The following PRKN variants were observed in gnomAD, a reference collection of about 807,000 sequenced individuals.
PRKN encodes the protein parkin RBR E3 ubiquitin protein ligase, also known as E3 ubiquitin-protein ligase parkin.
PRKN carries 56 observed loss-of-function variants against 59.5 expected under a neutral mutation model. The observed-to-expected ratio is 0.94, with a 90% CI of 0.76 to 1.18. PRKN has a LOEUF of 1.18. PRKN is among the 50% of genes most tolerant of loss of function. The pLI is 0.00. For missense variants in PRKN, 657 were observed against 596.4 expected, an observed-to-expected ratio of 1.10 and a Z score of -1.06; for synonymous variants, 250 against 222.1, an observed-to-expected ratio of 1.13 and a Z score of -1.12.
At position 162,430,744 on chromosome 6, in the gene PRKN, T is replaced by C. The variant is rs1427488647; in HGVS notation, c.171+12566A>G. ...AACTCCAGCATAGATCAGGCCACTT[T>C]GAGAATCTAGTACAGTCCTCTCTCT... is the stretch of plus-strand genomic sequence containing the variant. On this transcript the variant is annotated intron_variant, in intron 2 of 11. Coordinates refer to ENST00000366898, the MANE Select transcript of PRKN (RefSeq NM_004562.3). 2.6e-5 allele frequency among the ~76,000 whole-genome samples: 4 copies of C among 152,274 alleles called. No individual in the cohort carries two copies. The East Asian group carries it at 7.7e-4, about 29-fold the overall frequency.
chr6:162,177,823 G>C (rs1254456403), intron 4 of PRKN, among the ~76,000 whole-genome samples: 1 of 152,120 alleles, frequency 6.6e-6, no homozygotes, highest in African/African-American at 2.4e-5. Context: ...AATAAATAAA[G>C]AGCCATAGAT....
intron 2 of PRKN, among the ~76,000 whole-genome samples, chr6:162,413,213 T>G (rs1788435315): frequency 6.6e-6 from 1 of 152,142 alleles, no homozygotes; most frequent in African/African-American, 2.4e-5. Flanking sequence ...TACAGTCTGT[T>G]TTTTTTATTG....
At chr6:162,538,763 A>C (rs59674301) in intron 1 of PRKN, among the ~76,000 whole-genome samples, 13,252 of 152,310 alleles carry the variant, frequency 0.087, 730 homozygotes, top group South Asian at 0.18. Flanking sequence ...GTCAGCAGAA[A>C]GGACCTTTAC....
chr6:162,710,374 A>AACACACAC (rs138911423), intron 1 of PRKN, among the ~76,000 whole-genome samples: 10,027 of 125,158 alleles, frequency 0.08, 486 homozygotes, highest in South Asian at 0.088. Flanking sequence ...ACCCCCTACA[A>AACACACAC]ACACACACAC....
At chr6:161,594,956 T>C (rs939136919) in intron 7 of PRKN, among the ~76,000 whole-genome samples, 2 of 152,202 alleles carry the variant, frequency 1.3e-5, no homozygotes, top group Admixed American at 1.3e-4. Context: ...ATACAAGTTC[T>C]TCAACTACAT....
rs1039217225 is a variant in PRKN, at chr6:162,515,993, C to T, written c.8-72520G>A. Reference sequence around the variant, plus strand: ...AGCTGTTTGGTACCACTTGTTCCTGCGGAAACTTAGCAGTGGAGGGTGTTT... The same window carrying T: ...AGCTGTTTGGTACCACTTGTTCCTGTGGAAACTTAGCAGTGGAGGGTGTTT... On this transcript the variant is annotated intron_variant, in intron 1 of 11. Transcript: ENST00000366898. Among the ~76,000 whole-genome samples the T allele has an allele frequency of 7.2e-5, 11 of 152,186 alleles. No individual in the cohort carries two copies. In the East Asian group the frequency reaches 1.9e-3, roughly 27 times the overall value.
At chr6:162,273,130 A>G (rs982489985) in intron 2 of PRKN, among the ~76,000 whole-genome samples, 4 of 152,130 alleles carry the variant, frequency 2.6e-5, no homozygotes, top group South Asian at 2.1e-4. Context: ...GGGACTTTCT[A>G]TGTCAAAAGC....
chr6:162,435,616 G>A (rs1032461004), intron 2 of PRKN, among the ~76,000 whole-genome samples: 2 of 152,284 alleles, frequency 1.3e-5, no homozygotes, highest in African/African-American at 4.8e-5. Context: ...CGGACACGTA[G>A]CAACACTTAC....
chr6:162,724,543 G>A (rs1270623169), intron 1 of PRKN, among the ~76,000 whole-genome samples: 1 of 152,146 alleles, frequency 6.6e-6, no homozygotes, highest in Non-Finnish European at 1.5e-5. Context: ...AAATAAAGTG[G>A]CAGAATATTA....
chr6:162,574,437 C>T, intron 1 of PRKN, among the ~76,000 whole-genome samples: 1 of 152,134 alleles, frequency 6.6e-6, no homozygotes, highest in East Asian at 1.9e-4. Context: ...TCATGATATT[C>T]TTAAGCCAAC....
In PRKN at chr6:161,582,422, T is replaced by TTA; in HGVS notation, c.872-13008_872-13007dup. Among the ~76,000 whole-genome samples the TTA allele has an allele frequency of 6.7e-6, 1 of 149,216 alleles. No homozygotes were observed. The highest frequency in any genetic ancestry group is 2.4e-5 in the African/African-American group (1 of 40,856). On this transcript the variant is annotated intron_variant, in intron 7 of 11. Coordinates refer to ENST00000366898, the MANE Select transcript of PRKN (RefSeq NM_004562.3). The surrounding 1 kb of genome is among the most constrained non-coding windows in gnomAD (Gnocchi z 4.4). ...AGACTGCATCTGCAGACTATTATTA[T>TTA]TATTATTATTATTATTATTTTTGAG...
At chr6:161,874,465 ATATAT>A (rs1446571793) in intron 6 of PRKN, among the ~76,000 whole-genome samples, 1 of 87,434 alleles carries the variant, frequency 1.1e-5, no homozygotes, top group East Asian at 3.0e-4. Flanking sequence ...TATATGTAAA[ATATAT>A]TATATGTAAA....
At position 162,317,900 on chromosome 6, in the gene PRKN, T is replaced by C. The variant is rs565758748; in HGVS notation, c.172-55135A>G. The stretch of plus-strand genomic sequence containing the variant: ...AGATACAGGTATTGGTTCTGAAGTT[T>C]TTTTAACATGGTAAAATATATATAT... On this transcript the variant is annotated intron_variant, in intron 2 of 11. Coordinates refer to ENST00000366898, the MANE Select transcript of PRKN (RefSeq NM_004562.3). Among the ~76,000 whole-genome samples the C allele has an allele frequency of 3.2e-4, 48 of 151,444 alleles. 1 individual carries two copies. Among genetic ancestry groups the C allele is most frequent in the African/African-American group, 1.1e-3 (46 of 40,992 alleles).
intron 2 of PRKN, among the ~76,000 whole-genome samples, chr6:162,334,870 A>T (rs1783761529): frequency 6.6e-6 from 1 of 152,196 alleles, no homozygotes; most frequent in Non-Finnish European, 1.5e-5. Flanking sequence ...TCCATCTTTC[A>T]ATGACTTACT....
At chr6:162,306,985 CATTAAATTCAAG>C (rs1782258851) in intron 2 of PRKN, among the ~76,000 whole-genome samples, 1 of 152,148 alleles carries the variant, frequency 6.6e-6, no homozygotes, top group South Asian at 2.1e-4. Flanking sequence ...CCAATGTTGG[CATTAAATTCAAG>C]ATTTGTATTT....
intron 9 of PRKN, among the ~76,000 whole-genome samples, chr6:161,439,957 TG>T (rs1215624534): frequency 6.4e-5 from 7 of 109,418 alleles, no homozygotes; most frequent in Admixed American, 3.3e-4. Context: ...TTTTGTTTTT[TG>T]TTTTTTTTTT....
At chr6:162,276,841 A>G (rs1381148259) in intron 2 of PRKN, among the ~76,000 whole-genome samples, 1 of 152,064 alleles carries the variant, frequency 6.6e-6, no homozygotes, top group African/African-American at 2.4e-5. Context: ...ATTTTTCACA[A>G]CCATACAGTA....
intron 9 of PRKN, among the ~76,000 whole-genome samples, chr6:161,539,525 C>T (rs1779542925): frequency 6.7e-6 from 1 of 148,678 alleles, no homozygotes; most frequent in African/African-American, 2.5e-5. Flanking sequence ...CTCAAAGAAA[C>T]ACTTTGCCTA....
chr6:162,093,894 T>C (rs552754386), intron 4 of PRKN, among the ~76,000 whole-genome samples: 1 of 152,276 alleles, frequency 6.6e-6, no homozygotes, highest in Admixed American at 6.5e-5. Context: ...TCAGAATAGA[T>C]GTTCACTGAA....
Sources: allele counts gnomAD v4.1 joint callset (sites outside exome capture counted in the v4.1 genomes callset), GRCh38; gene constraint gnomAD v4.1.1; non-coding constraint Gnocchi (gnomAD v3.1); transcripts MANE v1.5; gene names NCBI Gene and HGNC (gene_info 2026-07-23, HGNC 2026-07-21).